Variants in TBC1D8 observed in about 807,000 individuals in gnomAD.
TBC1D8 encodes the protein BUB2-like protein 1.
Under a neutral mutation model 118.8 loss-of-function variants are expected in TBC1D8, and 65 were observed. The observed-to-expected ratio is 0.55, with a 90% confidence interval of 0.45 to 0.67. TBC1D8 has a LOEUF of 0.67. Among genes scored for constraint, TBC1D8 ranks in the 30% least tolerant of loss-of-function variants. TBC1D8 has a pLI of 0.00. For missense variants in TBC1D8, 1,376 were observed against 1,471.2 expected (o/e 0.94, Z 1.06); for synonymous variants, 566 against 595.8 (o/e 0.95, Z 0.73).
intron 1 of TBC1D8, among the ~76,000 whole-genome samples, chr2:101,143,606 C>T (rs980815244): frequency 2.0e-5 from 3 of 152,224 alleles, no homozygotes; most frequent in Non-Finnish European, 4.4e-5. Context: ...AATGTCCAGG[C>T]GGGAGTGCAG....
At chr2:101,112,955 T>C (rs564129647) in intron 1 of TBC1D8, among the ~76,000 whole-genome samples, 2 of 152,340 alleles carry the variant, frequency 1.3e-5, no homozygotes, top group Admixed American at 1.3e-4. Flanking sequence ...AGTATCTGCC[T>C]TGGGTCAAGT....
Position 101,054,247 on chromosome 2 carries a change from G to C in TBC1D8, c.492C>G (p.Ala164=), listed in dbSNP as rs775644894. 2 of 1,605,392 alleles carry C rather than the reference G, an allele frequency of 1.2e-6. No individual in the cohort carries two copies. Among genetic ancestry groups the C allele is most frequent in the East Asian group, 4.5e-5 (2 of 44,518 alleles). The part of the protein sequence containing the change: ...KFREALVKFE[A]RFNFPEAEKL... ...TCTCCGCCTCGGGGAAGTTGAACCT[G>C]GCCTCGAACTTCACCAGGGCTTCTC... Residue 164 remains alanine, a synonymous_variant, in exon 4 of 20, where the codon GCC becomes GCG. Coordinates refer to ENST00000409318, the MANE Select transcript of TBC1D8 (RefSeq NM_001330348.2).
chr2:101,137,729 A>C (rs898974182), intron 1 of TBC1D8, among the ~76,000 whole-genome samples: 1 of 152,212 alleles, frequency 6.6e-6, no homozygotes, highest in Admixed American at 6.5e-5. Flanking sequence ...TTTACCCCAG[A>C]CAAGACAGTA....
intron 2 of TBC1D8, among the ~76,000 whole-genome samples, chr2:101,082,691 G>C: frequency 6.6e-6 from 1 of 152,284 alleles, no homozygotes; most frequent in Admixed American, 6.5e-5. Flanking sequence ...AACACTGCTC[G>C]AGCCCACTAA....
intron 2 of TBC1D8, among the ~76,000 whole-genome samples, chr2:101,061,611 T>C (rs564699608): frequency 1.4e-4 from 21 of 152,174 alleles, no homozygotes; most frequent in Admixed American, 1.1e-3. Flanking sequence ...AGGCCATGAC[T>C]TCCCCGGTCC....
chr2:101,100,450 T>A (rs540128272), intron 1 of TBC1D8, among the ~76,000 whole-genome samples: 90 of 152,294 alleles, frequency 5.9e-4, no homozygotes, highest in South Asian at 5.4e-3. Context: ...AAGAAATTCA[T>A]AGATTCAATG....
At chr2:101,062,606 A>T (rs1682813947) in intron 2 of TBC1D8, among the ~76,000 whole-genome samples, 1 of 152,168 alleles carries the variant, frequency 6.6e-6, no homozygotes, top group Admixed American at 6.5e-5. Flanking sequence ...ACTTCAAAGT[A>T]CTCTAGGGTC....
chr2:101,121,523 G>A (rs2104234135), intron 1 of TBC1D8, among the ~76,000 whole-genome samples: 1 of 152,356 alleles, frequency 6.6e-6, no homozygotes, highest in East Asian at 1.9e-4. Context: ...TAAAGATGGT[G>A]CCTTCTAGAG....
At position 101,142,361 on chromosome 2, in the gene TBC1D8, T is replaced by G. The variant is rs370616235; in HGVS notation, c.127+8766A>C. On this transcript the variant is annotated intron_variant, in intron 1 of 19. Coordinates refer to ENST00000409318, the MANE Select transcript of TBC1D8 (RefSeq NM_001330348.2). ...AGAGAAATAAATTTATGTGTCGGGG[T>G]GTTTGTTACTGCAGCATAACCTAAC... 3.2e-3 allele frequency among the ~76,000 whole-genome samples: 492 copies of G among 152,174 alleles called. 4 individuals carry two copies. The highest frequency in any genetic ancestry group is 0.011 in the African/African-American group (470 of 41,524).
intron 2 of TBC1D8, among the ~76,000 whole-genome samples, chr2:101,083,027 G>A (rs1006516524): frequency 1.3e-5 from 2 of 152,146 alleles, no homozygotes; most frequent in Non-Finnish European, 2.9e-5. Flanking sequence ...CGTTGGTGGT[G>A]AGCAGGTCCA....
chr2:101,026,314 G>A (rs527331114), intron 15 of TBC1D8, among the ~76,000 whole-genome samples: 1 of 152,292 alleles, frequency 6.6e-6, no homozygotes, highest in South Asian at 2.1e-4. Flanking sequence ...TGAGGCGGGG[G>A]TTGGGATACC....
chr2:101,047,140 T>C (rs550986154), intron 5 of TBC1D8, among the ~76,000 whole-genome samples: 1 of 152,318 alleles, frequency 6.6e-6, no homozygotes, highest in South Asian at 2.1e-4. Context: ...GAGGCTATGA[T>C]GCAGGGATCC....
chr2:101,129,422 T>G (rs1678490594), intron 1 of TBC1D8, among the ~76,000 whole-genome samples: 1 of 152,114 alleles, frequency 6.6e-6, no homozygotes, highest in Non-Finnish European at 1.5e-5. Flanking sequence ...ATTACAGGCA[T>G]GAGCCATGGC....
At chr2:101,100,110 C>A (rs1676730006) in intron 1 of TBC1D8, among the ~76,000 whole-genome samples, 1 of 152,028 alleles carries the variant, frequency 6.6e-6, no homozygotes, top group Non-Finnish European at 1.5e-5. Flanking sequence ...ATTTAGAAAA[C>A]CCCATCATCT....
chr2:101,051,644 A>G (rs1682079898), intron 4 of TBC1D8, among the ~76,000 whole-genome samples: 1 of 152,220 alleles, frequency 6.6e-6, no homozygotes, highest in African/African-American at 2.4e-5. Context: ...AAGTGGCCAA[A>G]GGACACGAAC....
intron 1 of TBC1D8, among the ~76,000 whole-genome samples, chr2:101,131,548 C>T (rs1678591902): frequency 6.6e-6 from 1 of 152,002 alleles, no homozygotes; most frequent in Non-Finnish European, 1.5e-5. Context: ...GGTACAGTGG[C>T]TCACACCTAT....
chr2:101,133,883 C>T (rs1315804703), intron 1 of TBC1D8, among the ~76,000 whole-genome samples: 2 of 152,162 alleles, frequency 1.3e-5, no homozygotes, highest in Non-Finnish European at 2.9e-5. Context: ...GGGAAGCAGG[C>T]ACCGCCTTCA....
At chr2:101,021,815 C>T (rs1449500375) in intron 16 of TBC1D8, 69 bp from the exon 17 acceptor site, 1 of 1,024,202 alleles carries the variant, frequency 9.8e-7, no homozygotes, top group African/African-American at 1.6e-5. Context: ...CACAAACTCA[C>T]TGTGGAGAGA....
intron 1 of TBC1D8, among the ~76,000 whole-genome samples, chr2:101,109,661 A>T (rs1426464591): frequency 6.6e-6 from 1 of 152,022 alleles, no homozygotes; most frequent in Non-Finnish European, 1.5e-5. Flanking sequence ...TTCTCATCTG[A>T]TCCTCCCACC....
Sources: gnomAD v4.1 joint callset for allele counts (sites outside exome capture counted in the v4.1 genomes callset) on GRCh38, gnomAD v4.1.1 for gene constraint, MANE v1.5 for transcripts, NCBI Gene and HGNC (gene_info 2026-07-23, HGNC 2026-07-21) for gene names.